TTLL9: variants seen among roughly 807,000 people sequenced by gnomAD.
The protein encoded by TTLL9 is probable tubulin polyglutamylase TTLL9.
Under a neutral mutation model 65.6 loss-of-function variants are expected in TTLL9, and 47 were observed. The ratio of observed to expected loss-of-function variants is 0.72; its 90% CI spans 0.57 to 0.91. TTLL9 has a LOEUF of 0.91. TTLL9 is among the 40% of genes least tolerant of loss of function. The pLI is 0.00. For missense variants in TTLL9, 537 were observed against 568.8 expected, an observed-to-expected ratio of 0.94 and a Z score of 0.57; for synonymous variants, 179 against 204.8, an observed-to-expected ratio of 0.87 and a Z score of 1.07.
At chr20:31,885,250 T>C (rs2063173209) in intron 2 of TTLL9, among the ~76,000 whole-genome samples, 1 of 152,078 alleles carries the variant, frequency 6.6e-6, no homozygotes, top group Non-Finnish European at 1.5e-5. Context: ...GCAAAGACAA[T>C]CTTGAAATCA....
At position 31,892,920 on chromosome 20, in the gene TTLL9, A is replaced by G. The variant is rs1428068524; in HGVS notation, c.114-5553A>G. On this transcript the variant is annotated intron_variant, in intron 3 of 14. Transcript: ENST00000535842. ...TCATATATTTACTTGTAAATATGTT[A>G]TAAACCCTTCATTACATTCTCACTA... Among the ~76,000 whole-genome samples, 3 of 152,222 alleles carry G rather than the reference A, an allele frequency of 2.0e-5. No individual in the cohort carries two copies. In the East Asian group the frequency reaches 5.8e-4, roughly 29 times the overall value.
At chr20:31,877,058 G>C (rs939395268) in intron 2 of TTLL9, among the ~76,000 whole-genome samples, 1 of 152,086 alleles carries the variant, frequency 6.6e-6, no homozygotes, top group Non-Finnish European at 1.5e-5. Flanking sequence ...TCTTTTGTAG[G>C]GGTGAGGGTG....
chr20:31,925,558 A>AT (rs1368813136), intron 9 of TTLL9, among the ~76,000 whole-genome samples: 2 of 152,120 alleles, frequency 1.3e-5, no homozygotes, highest in African/African-American at 4.8e-5. Flanking sequence ...CCACCCATTC[A>AT]TGCATTCCTT....
chr20:31,884,009 C>A, intron 2 of TTLL9: 2 of 497,530 alleles, frequency 4.0e-6, no homozygotes, highest in Non-Finnish European at 7.3e-6. Flanking sequence ...GTAAGTCTGC[C>A]TTTATTCACA....
chr20:31,904,761 G>C (rs2063527407), intron 4 of TTLL9, among the ~76,000 whole-genome samples: 1 of 152,188 alleles, frequency 6.6e-6, no homozygotes, highest in African/African-American at 2.4e-5. Flanking sequence ...CTTCTGTAGA[G>C]AAAGTTTTTC....
intron 13 of TTLL9, chr20:31,938,333 G>A (rs2064152403): frequency 5.1e-6 from 2 of 391,488 alleles, no homozygotes; most frequent in African/African-American, 2.1e-5. Flanking sequence ...GAGGGAGGGA[G>A]GGAGGAGTGG....
intron 3 of TTLL9, among the ~76,000 whole-genome samples, chr20:31,896,973 A>G (rs756927044): frequency 3.0e-4 from 45 of 152,104 alleles, no homozygotes; most frequent in Non-Finnish European, 5.7e-4. Context: ...TTCATAAGGG[A>G]TATTGGTCTG....
At chr20:31,939,329 T>C in intron 14 of TTLL9, 63 bp downstream of exon 14, 1 of 1,582,940 alleles carries the variant, frequency 6.3e-7, no homozygotes, top group Non-Finnish European at 8.6e-7. Flanking sequence ...CCAGGTAGTC[T>C]AGGAGGCAGC....
At chr20:31,898,640 A>G in intron 4 of TTLL9, 75 bp downstream of exon 4, 1 of 1,413,746 alleles carries the variant, frequency 7.1e-7, no homozygotes, top group Non-Finnish European at 9.9e-7. Context: ...TTTTTCTCCC[A>G]GTTCCCCTGG....
chr20:31,877,710 A>G (rs370269872), intron 2 of TTLL9, among the ~76,000 whole-genome samples: 4 of 152,162 alleles, frequency 2.6e-5, no homozygotes, highest in East Asian at 3.8e-4. Context: ...CATCAAGTAT[A>G]CACACACACT....
At chr20:31,938,924 T>C (rs2064160768) in intron 13 of TTLL9, among the ~76,000 whole-genome samples, 1 of 152,014 alleles carries the variant, frequency 6.6e-6, no homozygotes, top group African/African-American at 2.4e-5. Context: ...TAGGGGCATG[T>C]TACCAAGAGC....
At chr20:31,882,332 G>C (rs1200307065) in intron 2 of TTLL9, among the ~76,000 whole-genome samples, 2 of 152,126 alleles carry the variant, frequency 1.3e-5, no homozygotes, top group Non-Finnish European at 2.9e-5. Context: ...GCTGATCTCT[G>C]GTTAGATAAT....
Position 31,884,593 on chromosome 20 carries a change from G to A in TTLL9, c.70-2603G>A, listed in dbSNP as rs1009017292. Reference sequence around the variant, plus strand: ...TCGCTGGGCTAAAATCAAGGTGTTAGCAGGGCTGCCTTCATATCTGGAGGC... The same window carrying A: ...TCGCTGGGCTAAAATCAAGGTGTTAACAGGGCTGCCTTCATATCTGGAGGC... On this transcript the variant is annotated intron_variant, in intron 2 of 14. Coordinates refer to ENST00000535842, the MANE Select transcript of TTLL9 (RefSeq NM_001008409.5). Among the ~76,000 whole-genome samples, 4 of 152,226 alleles carry A rather than the reference G, an allele frequency of 2.6e-5. No homozygotes were observed. In the East Asian group the frequency reaches 7.7e-4, roughly 29 times the overall value.
At chr20:31,917,132 A>G (rs1466936831) in intron 6 of TTLL9, among the ~76,000 whole-genome samples, 3 of 152,212 alleles carry the variant, frequency 2.0e-5, no homozygotes, top group Non-Finnish European at 4.4e-5. Context: ...ATAGGGGCAC[A>G]GTATGAATTT....
intron 5 of TTLL9, 134 bp downstream of exon 5, chr20:31,908,836 C>A: frequency 1.3e-6 from 1 of 744,314 alleles, no homozygotes; most frequent in Non-Finnish European, 2.3e-6. Flanking sequence ...AGTCTGCGGG[C>A]TAGACCTATG....
chr20:31,925,344 A>G (rs1172580336), intron 9 of TTLL9, among the ~76,000 whole-genome samples: 1 of 152,174 alleles, frequency 6.6e-6, no homozygotes, highest in African/African-American at 2.4e-5. Flanking sequence ...CCTGGCACTT[A>G]GCAGGTTTTA....
At position 31,943,178 on chromosome 20, in the gene TTLL9, G is replaced by A; in HGVS notation, c.*157G>A. ...GCAGCTGCAGCTTACTACCTGAATT[G>A]GGCCCCTTGGATACCTCCAGCCCAT... On this transcript the variant is annotated 3_prime_UTR_variant, in exon 15 of 15. Transcript: ENST00000535842. 1 of 695,352 alleles carries A rather than the reference G, an allele frequency of 1.4e-6. No individual in the cohort carries two copies. The highest frequency in any genetic ancestry group is 2.5e-6 in the Non-Finnish European group (1 of 396,830). The allele number at this position is 695,352 out of a possible 1,614,324, so 43.1% of individuals were successfully genotyped here. A position where few individuals can be genotyped will look rare whatever the true frequency, so the allele number is the denominator to read the frequency against.
At chr20:31,932,283 C>A (rs1450480366) in intron 10 of TTLL9, among the ~76,000 whole-genome samples, 1 of 151,958 alleles carries the variant, frequency 6.6e-6, no homozygotes, top group Non-Finnish European at 1.5e-5. Context: ...ACCAGCCTGG[C>A]CAACATGGTG....
chr20:31,941,226 G>GAAAAAAAA (rs138767749), intron 14 of TTLL9: 8 of 108,040 alleles, frequency 7.4e-5, no homozygotes, highest in Non-Finnish European at 1.2e-4. Flanking sequence ...CACAGAAAAA[G>GAAAAAAAA]AAAAAAAAAA....
Sources: gnomAD v4.1 joint callset for allele counts (sites outside exome capture counted in the v4.1 genomes callset) on GRCh38, gnomAD v4.1.1 for gene constraint, MANE v1.5 for transcripts, NCBI Gene and HGNC (gene_info 2026-07-23, HGNC 2026-07-21) for gene names.